Variants in NLRP7 observed in about 807,000 individuals in gnomAD.
The protein encoded by NLRP7 is NACHT, LRR and PYD domains-containing protein 7.
A neutral mutation model predicts 85.5 loss-of-function variants in NLRP7; 72 were observed. The observed-to-expected ratio is 0.84, with a 90% confidence interval of 0.70 to 1.02. NLRP7 has a LOEUF of 1.02. NLRP7 is among the 50% of genes least tolerant of loss of function. The pLI, the probability that NLRP7 is intolerant of heterozygous loss-of-function variation, is 0.00. For synonymous variants in NLRP7, 550 were observed against 505.2 expected (o/e 1.09, Z -1.19); for missense variants, 1,243 against 1,219.5 (o/e 1.02, Z -0.29).
At chr19:54,926,550 C>G (rs1448863919) in intron 9 of NLRP7, among the ~76,000 whole-genome samples, 1 of 152,072 alleles carries the variant, frequency 6.6e-6, no homozygotes, top group Non-Finnish European at 1.5e-5. Flanking sequence ...GAGGCTGAGG[C>G]AGGTGGATCA....
intron 1 of NLRP7, among the ~76,000 whole-genome samples, chr19:54,958,532 C>G (rs2069931611): frequency 6.6e-6 from 1 of 151,992 alleles, no homozygotes; most frequent in Non-Finnish European, 1.5e-5. Flanking sequence ...GTAATCCCAG[C>G]TACTCTGGAG....
intron 5 of NLRP7, among the ~76,000 whole-genome samples, chr19:54,937,260 A>G (rs2068973284): frequency 1.3e-5 from 2 of 151,972 alleles, no homozygotes; most frequent in Admixed American, 1.3e-4. Context: ...AGGAAAAACA[A>G]CTAAGGGGTA....
intron 1 of NLRP7, among the ~76,000 whole-genome samples, chr19:54,945,206 G>A (rs1448620416): frequency 3.6e-5 from 5 of 140,558 alleles, no homozygotes; most frequent in East Asian, 2.2e-4. Context: ...TCGCGCCACT[G>A]CACTCCAGCC....
At position 54,934,368 on chromosome 19, in the gene NLRP7, G is replaced by C. The variant is rs1381322251; in HGVS notation, c.2471+121C>G. ...AGGCAGGAGCCACCGTGCCGGGCCT[G>C]AAGCAGGTGTTTATTTCAGCAAGAG... On this transcript the variant is annotated intron_variant, in intron 7 of 9. Transcript: ENST00000340844. This position sits in a 1 kb window ranked among gnomAD's most constrained non-coding sequence, Gnocchi z 6.7. The C allele has an allele frequency of 6.1e-6, 6 of 989,276 alleles. No individual in the cohort carries two copies. The highest frequency in any genetic ancestry group is 9.8e-6 in the Non-Finnish European group (6 of 611,138). The allele number at this position is 989,276 out of a possible 1,614,324, so 61.3% of individuals were successfully genotyped here.
intron 6 of NLRP7, among the ~76,000 whole-genome samples, chr19:54,935,405 T>C (rs1220486225): frequency 6.6e-6 from 1 of 151,904 alleles, no homozygotes; most frequent in Non-Finnish European, 1.5e-5. Flanking sequence ...AAAATAAAAA[T>C]TTTATCCTGG....
At chr19:54,956,898 G>A (rs372853153) in intron 1 of NLRP7, among the ~76,000 whole-genome samples, 23 of 151,858 alleles carry the variant, frequency 1.5e-4, no homozygotes, top group East Asian at 1.2e-3. Flanking sequence ...CCAAAGTGCT[G>A]GAATTACAGG....
intron 1 of NLRP7, among the ~76,000 whole-genome samples, chr19:54,943,866 G>C (rs1416523483): frequency 2.0e-5 from 3 of 151,958 alleles, no homozygotes; most frequent in African/African-American, 7.2e-5. Flanking sequence ...TGTAACCCTA[G>C]CCCCAACCCT....
At chr19:54,945,389 G>T (rs1258246402) in intron 1 of NLRP7, among the ~76,000 whole-genome samples, 1 of 149,808 alleles carries the variant, frequency 6.7e-6, no homozygotes, top group Non-Finnish European at 1.5e-5. Context: ...TCCTGCCTCG[G>T]CCTCCCAAGT....
exon 4 of NLRP7, chr19:54,939,120 C>A (rs777033606): frequency 6.2e-7 from 1 of 1,614,216 alleles, no homozygotes; most frequent in Admixed American, 1.7e-5. Context: ...TCCTTCAGGT[C>A]GGTCACGGAT....
At chr19:54,964,580 T>C (rs187529319) in intron 1 of NLRP7, among the ~76,000 whole-genome samples, 1,744 of 151,628 alleles carry the variant, frequency 0.012, no homozygotes, top group Non-Finnish European at 0.014. Context: ...CCCAGCACTT[T>C]AGGAGGCTGA....
intron 1 of NLRP7, among the ~76,000 whole-genome samples, chr19:54,942,085 T>C (rs1310034375): frequency 6.6e-6 from 1 of 151,454 alleles, no homozygotes. Flanking sequence ...AACCCCTGCC[T>C]CTACTAAAAA....
At chr19:54,955,613 A>G (rs2069825574) in intron 1 of NLRP7, among the ~76,000 whole-genome samples, 1 of 151,864 alleles carries the variant, frequency 6.6e-6, no homozygotes, top group Non-Finnish European at 1.5e-5. Context: ...ACATGGCGAA[A>G]CCCCATCTCT....
At chr19:54,944,611 C>T (rs1233626522) in intron 1 of NLRP7, among the ~76,000 whole-genome samples, 4 of 152,012 alleles carry the variant, frequency 2.6e-5, no homozygotes, top group Non-Finnish European at 4.4e-5. Context: ...CTCAGTCTCT[C>T]GTCCCACCTG....
intron 1 of NLRP7, among the ~76,000 whole-genome samples, chr19:54,963,206 G>A (rs1055837911): frequency 1.3e-5 from 2 of 151,492 alleles, no homozygotes; most frequent in Non-Finnish European, 2.9e-5. Context: ...GACCAGCCTG[G>A]GCAACATAGT....
At chr19:54,949,856 G>A (rs959137400), upstream of NLRP7, among the ~76,000 whole-genome samples, 2 of 152,040 alleles carry the variant, frequency 1.3e-5, no homozygotes, top group Non-Finnish European at 2.9e-5. Flanking sequence ...TAATCCCAAC[G>A]CTTTGGGAGG....
chr19:54,923,804 T>C, exon 10 of NLRP7: 7 of 1,614,134 alleles, frequency 4.3e-6, no homozygotes, highest in South Asian at 1.1e-5. Flanking sequence ...AATAGTCAGC[T>C]TGGGATTCTT....
rs757670306 is a variant in NLRP7, at chr19:54,939,578, G to A, written c.1241C>T (p.Thr414Met). Residue 414 changes from threonine (T) to methionine (M), a missense_variant, in exon 4 of 10, where the codon ACG (threonine) becomes ATG (methionine). Physicochemically the swap from Thr to Met is moderately conservative, Grantham distance 81 (BLOSUM62 -1). This residue lies in a region of NLRP7 where 591 missense variants were observed against 563.3 expected (regional missense o/e 1.05). Transcript: ENST00000340844. Reference sequence around the variant, plus strand: ...GCCCTGCGCGGCCAGGAGGCTCAGCGTCCGCAGCGCGCCCCGCAGCTGTGC... The same window carrying A: ...GCCCTGCGCGGCCAGGAGGCTCAGCATCCGCAGCGCGCCCCGCAGCTGTGC... 3.4e-5 allele frequency: 54 copies of A among 1,611,904 alleles called. 1 individual carries two copies. In the Admixed American group the frequency reaches 3.7e-4, roughly 11 times the overall value.
intron 1 of NLRP7, among the ~76,000 whole-genome samples, chr19:54,960,785 C>T (rs769417929): frequency 2.0e-5 from 3 of 151,456 alleles, no homozygotes; most frequent in Non-Finnish European, 4.4e-5. Flanking sequence ...TTAGTAGAGA[C>T]GGGGTTTCAC....
In NLRP7 at chr19:54,939,250, G is replaced by A. The variant is rs200362946; in HGVS notation, c.1569C>T (p.Phe523=). The change falls in exon 4 of 10, where the codon TTC becomes TTT. Residue 523 remains phenylalanine (F), a synonymous_variant. Coordinates refer to ENST00000340844, the Ensembl canonical transcript of NLRP7. Reference sequence around the variant, plus strand: ...TGGCTCTCTTCTCGTTAGCGAGGCCGAATAAGAAGTGTCCTACTTGAATCA... The same window carrying A: ...TGGCTCTCTTCTCGTTAGCGAGGCCAAATAAGAAGTGTCCTACTTGAATCA... 166 of 1,613,948 alleles carry A rather than the reference G, an allele frequency of 1.0e-4. 1 individual carries two copies. The Middle Eastern group carries it at 1.7e-3, about 16-fold the overall frequency.
Sources: allele counts gnomAD v4.1 joint callset (sites outside exome capture counted in the v4.1 genomes callset), GRCh38; gene constraint gnomAD v4.1.1; regional missense constraint gnomAD v4.1.1; non-coding constraint Gnocchi (gnomAD v3.1); transcripts MANE v1.5; gene names NCBI Gene and HGNC (gene_info 2026-07-23, HGNC 2026-07-21).